The following DSP variants were observed in gnomAD, a reference collection of about 807,000 sequenced individuals.
The protein encoded by DSP is 250/210 kDa paraneoplastic pemphigus antigen.
DSP carries 114 observed loss-of-function variants against 290.6 expected under a neutral mutation model. The ratio of observed to expected loss-of-function variants is 0.39; its 90% CI spans 0.34 to 0.46. The LOEUF is 0.46. DSP is among the 20% of genes least tolerant of loss of function. DSP has a pLI of 0.99. For synonymous variants in DSP, 1,311 were observed against 1,316.4 expected (o/e 1.00, Z 0.09); for missense variants, 3,230 against 3,495.8 (o/e 0.92, Z 1.92).
At chr6:7,548,121 G>T (rs1471832790) in intron 1 of DSP, among the ~76,000 whole-genome samples, 2 of 152,084 alleles carry the variant, frequency 1.3e-5, no homozygotes, top group Non-Finnish European at 2.9e-5. Context: ...ACAAAAATTA[G>T]CTGGGCGTGG....
chr6:7,541,770 G>C lies in DSP; in HGVS notation c.-146G>C. 1 of 1,062,938 alleles carries C rather than the reference G, an allele frequency of 9.4e-7. No homozygotes were observed. The highest frequency in any genetic ancestry group is 3.1e-4 in the Middle Eastern group (1 of 3,198). The allele number at this position is 1,062,938 out of a possible 1,614,324, so 65.8% of individuals were successfully genotyped here. ...CTCGCAGCGGCCTCGGGAGGGCCCA[G>C]GTAGCGAGCAGCGACCTCGCGAGCC... On this transcript the variant is annotated 5_prime_UTR_variant, in exon 1 of 24. Coordinates refer to ENST00000379802, the MANE Select transcript of DSP (RefSeq NM_004415.4).
At position 7,576,280 on chromosome 6, in the gene DSP, C is replaced by G. The variant is rs1050258732; in HGVS notation, c.2631-14C>G. 2 of 1,612,602 alleles carry G rather than the reference C, an allele frequency of 1.2e-6. No homozygotes were observed. Among genetic ancestry groups the G allele is most frequent in the African/African-American group, 1.3e-5 (1 of 74,880 alleles). On this transcript the variant is annotated splice_polypyrimidine_tract_variant and intron_variant, in intron 18 of 23. Transcript: ENST00000379802. ...TAATAAGATAATGATTTTATTGTAT[C>G]TATTTCCCCCCAGGTTATGGGACCT... is the stretch of plus-strand genomic sequence containing the variant.
intron 2 of DSP, among the ~76,000 whole-genome samples, chr6:7,556,464 A>G (rs1370287912): frequency 6.6e-6 from 1 of 152,196 alleles, no homozygotes. Flanking sequence ...CTAAAAACAG[A>G]ATAGAGAATG....
chr6:7,580,033 C>G lies in DSP; in HGVS notation c.3843C>G (p.Gly1281=). 6.2e-7 allele frequency: 1 copy of G among 1,614,076 alleles called. No homozygotes were observed. The highest frequency in any genetic ancestry group is 8.5e-7 in the Non-Finnish European group (1 of 1,180,036). The stretch of plus-strand genomic sequence containing the variant: ...ACGCCCTTCAGCAAAAGGCCTGTGG[C>G]TCTGAGATAATGCAGAAGAAGCAGC... The part of the protein sequence containing the change: ...EENALQQKAC[G]SEIMQKKQHL... Residue 1281 remains glycine (G), a synonymous_variant, in exon 23 of 24, where the codon GGC becomes GGG. Coordinates refer to ENST00000379802, the MANE Select transcript of DSP (RefSeq NM_004415.4). The surrounding 1 kb of genome is among the most constrained non-coding windows in gnomAD (Gnocchi z 4.2).
At chr6:7,576,226 G>A in intron 18 of DSP, 68 bp from the exon 19 acceptor site, 1 of 1,544,644 alleles carries the variant, frequency 6.5e-7, no homozygotes, top group East Asian at 2.3e-5. Flanking sequence ...TGAATTTCTG[G>A]GTGATTCTAT....
In DSP at chr6:7,566,276, C is replaced by A. The variant is rs1016496309; in HGVS notation, c.940-101C>A. On this transcript the variant is annotated intron_variant, in intron 7 of 23. Coordinates refer to ENST00000379802, the MANE Select transcript of DSP (RefSeq NM_004415.4). ...CGTGATTCTTTGGCATTGTTCATTTCCAAAATGCAGTTTTGTATTTCACTT... is the reference window on the plus strand; with the variant it reads ...CGTGATTCTTTGGCATTGTTCATTTACAAAATGCAGTTTTGTATTTCACTT... 4 of 949,486 alleles carry A rather than the reference C, an allele frequency of 4.2e-6. No homozygotes were observed. In the Admixed American group the frequency reaches 5.3e-5, roughly 13 times the overall value. 58.8% of individuals were successfully genotyped at this position (949,486 alleles called of 1,614,324 possible).
intron 1 of DSP, among the ~76,000 whole-genome samples, chr6:7,550,224 G>GT (rs1561675625): frequency 3.4e-5 from 5 of 148,948 alleles, no homozygotes; most frequent in Admixed American, 6.7e-5. Context: ...TTTTGTTTTT[G>GT]TTTTTTTTTC....
chr6:7,542,504 G>A (rs1249057635), intron 1 of DSP, among the ~76,000 whole-genome samples: 1 of 152,188 alleles, frequency 6.6e-6, no homozygotes, highest in African/African-American at 2.4e-5. Context: ...GCGGGGCCCC[G>A]GTCCTGTCTG....
chr6:7,551,878 A>G (rs1269428631), intron 1 of DSP, among the ~76,000 whole-genome samples: 1 of 152,166 alleles, frequency 6.6e-6, no homozygotes, highest in Non-Finnish European at 1.5e-5. Flanking sequence ...GTCTCCCTCT[A>G]TCTTGTTTTG....
chr6:7,562,848 C>T lies in DSP; in HGVS notation c.726+68C>T. The T allele has an allele frequency of 2.5e-6, 4 of 1,603,376 alleles. No individual in the cohort carries two copies. The African/African-American group carries it at 4.0e-5, about 16-fold the overall frequency. ...CGAAGGATCGTGTAATTACTCAATC[C>T]CAGGGAGTTTCTTCTGAAACATTGC... On this transcript the variant is annotated intron_variant, in intron 5 of 23. Transcript: ENST00000379802.
chr6:7,565,222 GAATGCAC>G lies in DSP; in HGVS notation c.778-134_778-128del. 1 of 1,135,476 alleles carries G rather than the reference GAATGCAC, an allele frequency of 8.8e-7. No individual in the cohort carries two copies. The highest frequency in any genetic ancestry group is 1.3e-5 in the South Asian group (1 of 75,704). 70.3% of individuals were successfully genotyped at this position (1,135,476 alleles called of 1,614,324 possible). A position where few individuals can be genotyped will look rare whatever the true frequency, so the allele number is the denominator to read the frequency against. On this transcript the variant is annotated intron_variant, in intron 6 of 23. Coordinates refer to ENST00000379802, the MANE Select transcript of DSP (RefSeq NM_004415.4). This position sits in a 1 kb window ranked among gnomAD's most constrained non-coding sequence, Gnocchi z 4.2. ...TCTTTTCCCATACCAGGTGGTCAGT[GAATGCAC>G]AAGGTTAACATTTTTCCTATCCGTG...
chr6:7,565,638 TC>T lies in DSP; in HGVS notation c.939+119del, dbSNP rs1758840077. 2.2e-6 allele frequency: 3 copies of T among 1,366,476 alleles called. No individual in the cohort carries two copies. Among genetic ancestry groups the T allele is most frequent in the Non-Finnish European group, 3.1e-6 (3 of 978,222 alleles). The allele number at this position is 1,366,476 out of a possible 1,614,324, so 84.6% of individuals were successfully genotyped here. On this transcript the variant is annotated intron_variant, in intron 7 of 23. Transcript: ENST00000379802. The surrounding 1 kb of genome is among the most constrained non-coding windows in gnomAD (Gnocchi z 4.2). ...TAATCAGCCACTTGCAATTCAGCCT[TC>T]TTTGAAATGGTCGTGAAAAATCCTT... is the stretch of plus-strand genomic sequence containing the variant.
Position 7,584,272 on chromosome 6 carries a change from C to A in DSP, c.7010C>A (p.Thr2337Asn). The A allele has an allele frequency of 6.2e-7, 1 of 1,614,164 alleles. No individual in the cohort carries two copies. Among genetic ancestry groups the A allele is most frequent in the Non-Finnish European group, 8.5e-7 (1 of 1,180,028 alleles). The change falls in exon 24 of 24, where the codon ACT (threonine) becomes AAT (asparagine). Residue 2337 changes from threonine to asparagine, a missense_variant. Thr to Asn is a moderately conservative substitution (Grantham distance 65, BLOSUM62 0). This residue lies in a region of DSP where 207 missense variants were observed against 281.2 expected (regional missense o/e 0.74). Transcript: ENST00000379802. This position sits in a 1 kb window ranked among gnomAD's most constrained non-coding sequence, Gnocchi z 6.4. ...EKLLSAERAVTGYNDPETGNI... is the reference protein window; with the variant it reads ...EKLLSAERAVNGYNDPETGNI... ...CTCCTGTCTGCAGAACGAGCTGTCACTGGGTATAATGATCCTGAAACAGGA... is the reference window on the plus strand; with the variant it reads ...CTCCTGTCTGCAGAACGAGCTGTCAATGGGTATAATGATCCTGAAACAGGA...
Position 7,572,118 on chromosome 6 carries a change from C to A in DSP, c.2130+50C>A, listed in dbSNP as rs1484771309. On this transcript the variant is annotated intron_variant, in intron 15 of 23. Transcript: ENST00000379802. ...TGGTTACCCTGTATATTTTTATTTACCTGTAAATGAATAAAAAAAATCCTG... is the reference window on the plus strand; with the variant it reads ...TGGTTACCCTGTATATTTTTATTTAACTGTAAATGAATAAAAAAAATCCTG... 5 of 1,473,124 alleles carry A rather than the reference C, an allele frequency of 3.4e-6. No individual in the cohort carries two copies. In the Admixed American group the frequency reaches 7.2e-5, roughly 21 times the overall value. The allele number at this position is 1,473,124 out of a possible 1,614,324, so 91.3% of individuals were successfully genotyped here.
At position 7,583,571 on chromosome 6, in the gene DSP, GA is replaced by G. The variant is rs730880092; in HGVS notation, c.6310del (p.Thr2104GlnfsTer12). On this transcript the variant is annotated frameshift_variant, in exon 24 of 24. Coordinates refer to ENST00000379802, the MANE Select transcript of DSP (RefSeq NM_004415.4). LOFTEE classifies it high-confidence loss of function. This position sits in a 1 kb window ranked among gnomAD's most constrained non-coding sequence, Gnocchi z 4.0. ...GTTTTGATGATCCATTTTCAGGCAA[GA>G]CAGTATCTGTTTCAGAAGCCATCAA... ...TGFDDPFSGK[T>X]VSVSEAIKKN... The G allele has an allele frequency of 2.0e-5, 32 of 1,614,072 alleles. No individual in the cohort carries two copies. The highest frequency in any genetic ancestry group is 2.5e-6 in the Non-Finnish European group (3 of 1,180,044).
rs794728107 is a variant in DSP, at chr6:7,555,823, A to G, written c.273+3A>G. ...GAGCAGAGCTCATCGTGCAGCCTGT[A>G]AGCTTTCCCTGTTCCCATCGCTTCT... On this transcript the variant is annotated splice_donor_region_variant and intron_variant, in intron 2 of 23. Coordinates refer to ENST00000379802, the MANE Select transcript of DSP (RefSeq NM_004415.4). 2.2e-5 allele frequency: 36 copies of G among 1,613,300 alleles called. No individual in the cohort carries two copies. Among genetic ancestry groups the G allele is most frequent in the Non-Finnish European group, 3.0e-5 (35 of 1,179,700 alleles).
intron 7 of DSP, 34 bp from the exon 8 acceptor site, chr6:7,566,343 T>C (rs1758862995): frequency 1.3e-6 from 2 of 1,565,998 alleles, no homozygotes; most frequent in Admixed American, 1.7e-5. Context: ...AATGATGACT[T>C]GCTGCAAAGG....
chr6:7,554,619 T>C (rs1310014442), intron 1 of DSP, among the ~76,000 whole-genome samples: 1 of 152,190 alleles, frequency 6.6e-6, no homozygotes, highest in African/African-American at 2.4e-5. Context: ...AAAAACATTA[T>C]TGTCTTTTAC....
intron 1 of DSP, among the ~76,000 whole-genome samples, chr6:7,543,763 T>C (rs950413710): frequency 6.6e-6 from 1 of 152,218 alleles, no homozygotes; most frequent in African/African-American, 2.4e-5. Flanking sequence ...CTTGGATTTC[T>C]TATCTTTTAA....
Sources: allele counts gnomAD v4.1 joint callset (sites outside exome capture counted in the v4.1 genomes callset), GRCh38; gene constraint gnomAD v4.1.1; regional missense constraint gnomAD v4.1.1; non-coding constraint Gnocchi (gnomAD v3.1); transcripts MANE v1.5; gene names NCBI Gene and HGNC (gene_info 2026-07-23, HGNC 2026-07-21).